Variants in TTC28 observed in about 807,000 individuals in gnomAD.
The protein encoded by TTC28 is tetratricopeptide repeat domain 28.
In TTC28, 61 loss-of-function variants were observed where a neutral mutation model predicts 198.0. That is an observed-to-expected ratio of 0.31 (90% CI 0.25 to 0.38). The LOEUF is 0.38. Among genes scored for constraint, TTC28 ranks in the 10% least tolerant of loss-of-function variants. The probability of loss-of-function intolerance (pLI) is 1.00; values close to 1 mark genes in which losing one functional copy is unlikely to be tolerated. For synonymous variants in TTC28, 1,171 were observed against 1,297.8 expected (o/e 0.90, Z 2.10); for missense variants, 2,678 against 3,164.0 (o/e 0.85, Z 3.69).
chr22:28,044,242 G>C (rs1939773121), intron 12 of TTC28, among the ~76,000 whole-genome samples: 2 of 152,054 alleles, frequency 1.3e-5, no homozygotes, highest in South Asian at 4.1e-4. Context: ...ATCCTCTCAA[G>C]TCTGTAATTT....
chr22:28,386,817 TTTTTG>T (rs2046607460), intron 2 of TTC28, among the ~76,000 whole-genome samples: 3 of 152,256 alleles, frequency 2.0e-5, no homozygotes, highest in African/African-American at 7.2e-5. Context: ...TTATAGTTTT[TTTTTG>T]TTTTTTTGTT....
chr22:28,004,809 T>A (rs879453837), intron 14 of TTC28, among the ~76,000 whole-genome samples: 16 of 152,194 alleles, frequency 1.1e-4, no homozygotes, highest in Non-Finnish European at 2.4e-4. Context: ...TTAGTTATAA[T>A]CCAACGTGAA....
At chr22:28,663,513 T>C (rs1184033367) in intron 1 of TTC28, among the ~76,000 whole-genome samples, 1 of 139,378 alleles carries the variant, frequency 7.2e-6, no homozygotes, top group Non-Finnish European at 1.6e-5. Context: ...GAGTTCCCTT[T>C]CCGAGTCAAA....
At chr22:28,011,750 G>C (rs1235438621) in intron 14 of TTC28, among the ~76,000 whole-genome samples, 1 of 152,034 alleles carries the variant, frequency 6.6e-6, no homozygotes, top group Non-Finnish European at 1.5e-5. Flanking sequence ...AGGAAGGTAA[G>C]GAGAAGAGGC....
intron 2 of TTC28, among the ~76,000 whole-genome samples, chr22:28,490,524 A>T (rs2048363254): frequency 6.6e-6 from 1 of 152,206 alleles, no homozygotes; most frequent in African/African-American, 2.4e-5. Flanking sequence ...CAAGCCTACG[A>T]CGTGCCCAGA....
intron 8 of TTC28, among the ~76,000 whole-genome samples, chr22:28,104,289 T>A (rs1942236709): frequency 6.6e-6 from 1 of 152,216 alleles, no homozygotes; most frequent in African/African-American, 2.4e-5. Context: ...ACTAACTGAC[T>A]ACATGATTAG....
At chr22:28,300,515 G>C (rs1432105186) in intron 3 of TTC28, among the ~76,000 whole-genome samples, 1 of 151,998 alleles carries the variant, frequency 6.6e-6, no homozygotes, top group African/African-American at 2.4e-5. Flanking sequence ...ACTGATGAAA[G>C]AGAAGTAAAA....
At chr22:28,299,842 GACATCA>G (rs1461324034) in intron 3 of TTC28, among the ~76,000 whole-genome samples, 1 of 152,166 alleles carries the variant, frequency 6.6e-6, no homozygotes, top group East Asian at 1.9e-4. Context: ...CAGGTTCTAT[GACATCA>G]CACCAGGCAA....
At chr22:28,437,400 T>C (rs1266039478) in intron 2 of TTC28, among the ~76,000 whole-genome samples, 1 of 152,082 alleles carries the variant, frequency 6.6e-6, no homozygotes, top group Non-Finnish European at 1.5e-5. Flanking sequence ...TTTTAGAATA[T>C]AAAAATACAT....
intron 2 of TTC28, among the ~76,000 whole-genome samples, chr22:28,340,359 G>A (rs999766622): frequency 4.6e-5 from 7 of 151,210 alleles, no homozygotes; most frequent in Admixed American, 1.3e-4. Flanking sequence ...CATACCAAAC[G>A]TCTCCTTCAT....
At chr22:28,257,031 C>A (rs1210828681) in intron 5 of TTC28, among the ~76,000 whole-genome samples, 2 of 152,100 alleles carry the variant, frequency 1.3e-5, no homozygotes, top group Admixed American at 6.6e-5. Flanking sequence ...TGGAGTGAGA[C>A]CCTGTCTCTA....
At chr22:28,357,804 T>C (rs1007984481) in intron 2 of TTC28, among the ~76,000 whole-genome samples, 1 of 152,124 alleles carries the variant, frequency 6.6e-6, no homozygotes, top group Non-Finnish European at 1.5e-5. Flanking sequence ...TGTGGACCCC[T>C]AATCACCAGG....
At chr22:28,205,882 A>T (rs1460321379) in intron 5 of TTC28, among the ~76,000 whole-genome samples, 1 of 151,846 alleles carries the variant, frequency 6.6e-6, no homozygotes, top group Non-Finnish European at 1.5e-5. Flanking sequence ...AATAACATTG[A>T]TTTCCACCAC....
intron 2 of TTC28, among the ~76,000 whole-genome samples, chr22:28,355,240 G>A (rs577481994): frequency 1.3e-5 from 2 of 151,996 alleles, no homozygotes; most frequent in East Asian, 3.9e-4. Context: ...GAACACTATG[G>A]AGGAAAATAT....
intron 2 of TTC28, among the ~76,000 whole-genome samples, chr22:28,505,729 C>T (rs913839303): frequency 2.0e-5 from 3 of 152,226 alleles, no homozygotes; most frequent in Admixed American, 2.0e-4. Context: ...GAAGATCCAA[C>T]CATGCATACC....
chr22:28,365,758 T>C (rs911012015), intron 2 of TTC28, among the ~76,000 whole-genome samples: 1 of 152,220 alleles, frequency 6.6e-6, no homozygotes, highest in African/African-American at 2.4e-5. Flanking sequence ...TCCTTTTAAT[T>C]TGAATTTATT....
intron 5 of TTC28, among the ~76,000 whole-genome samples, chr22:28,173,743 A>T (rs2096776435): frequency 6.6e-6 from 1 of 152,214 alleles, no homozygotes. Context: ...TAGTTTGAGA[A>T]ATAAAGTTTA....
Position 27,982,292 on chromosome 22 carries a change from A to G in TTC28, c.7375T>C (p.Leu2459=), listed in dbSNP as rs895214949. The G allele has an allele frequency of 2.7e-6, 4 of 1,494,314 alleles. No homozygotes were observed. In the African/African-American group the frequency reaches 4.3e-5, roughly 16 times the overall value. 92.6% of individuals were successfully genotyped at this position (1,494,314 alleles called of 1,614,324 possible). Residue 2459 remains leucine, a synonymous_variant, in exon 23 of 23, where the codon TTG becomes CTG. Coordinates refer to ENST00000397906, the MANE Select transcript of TTC28 (RefSeq NM_001145418.2). The surrounding 1 kb of genome is among the most constrained non-coding windows in gnomAD (Gnocchi z 5.2). ...TAGCCATTTCCAGAAGGAAGCCTCAAAGGGCGCGCGGGGGCTGTGGCGGGA... is the reference window on the plus strand; with the variant it reads ...TAGCCATTTCCAGAAGGAAGCCTCAGAGGGCGCGCGGGGGCTGTGGCGGGA... ...GPPATAPARP[L]RLPSGNGYKF...
At chr22:28,574,440 G>T (rs552040783) in intron 2 of TTC28, among the ~76,000 whole-genome samples, 10 of 152,078 alleles carry the variant, frequency 6.6e-5, no homozygotes, top group Non-Finnish European at 1.2e-4. Flanking sequence ...GAACATTTAG[G>T]TTGCTTCCAA....
Sources: allele counts gnomAD v4.1 joint callset (sites outside exome capture counted in the v4.1 genomes callset), GRCh38; gene constraint gnomAD v4.1.1; non-coding constraint Gnocchi (gnomAD v3.1); transcripts MANE v1.5; gene names NCBI Gene and HGNC (gene_info 2026-07-23, HGNC 2026-07-21).